The following BABAM2 variants were observed in gnomAD, a reference collection of about 807,000 sequenced individuals.
BABAM2 encodes BRISC and BRCA1-A complex member 2.
BABAM2 carries 31 observed loss-of-function variants against 54.7 expected under a neutral mutation model. The ratio of observed to expected loss-of-function variants is 0.57; its 90% CI spans 0.43 to 0.77. The LOEUF (loss-of-function observed/expected upper bound fraction) is 0.77. BABAM2 is among the 30% of genes least tolerant of loss of function. The pLI, the probability that BABAM2 is intolerant of heterozygous loss-of-function variation, is 0.00. For missense variants in BABAM2, 364 were observed against 455.8 expected, an observed-to-expected ratio of 0.80 and a Z score of 1.83; for synonymous variants, 167 against 162.9, an observed-to-expected ratio of 1.03 and a Z score of -0.19.
At chr2:28,253,090 A>G (rs1683646100) in intron 10 of BABAM2, among the ~76,000 whole-genome samples, 2 of 152,170 alleles carry the variant, frequency 1.3e-5, no homozygotes, top group Admixed American at 6.5e-5. Flanking sequence ...GTTGAAAATA[A>G]TAGCAATAAC....
rs1385334915 is a variant in BABAM2 at position 28,329,177 on chromosome 2, G to C, written c.1089-9273G>C. On this transcript the variant is annotated intron_variant, in intron 11 of 11. Transcript: ENST00000379624. This position sits in a 1 kb window ranked among gnomAD's most constrained non-coding sequence, Gnocchi z 4.2. ...ATGTCATTTTCCAGGCATTACCCCT[G>C]ATAACTTATGCTTCCTGAGCTAGAG... 6.6e-6 allele frequency among the ~76,000 whole-genome samples: 1 copy of C among 152,104 alleles called. No homozygotes were observed. Among genetic ancestry groups the C allele is most frequent in the African/African-American group, 2.4e-5 (1 of 41,368 alleles).
rs1690131032 is a variant in BABAM2 at position 28,322,776 on chromosome 2, G to A, written c.1089-15674G>A. Among the ~76,000 whole-genome samples the A allele has an allele frequency of 6.6e-6, 1 of 152,250 alleles. No homozygotes were observed. Among genetic ancestry groups the A allele is most frequent in the African/African-American group, 2.4e-5 (1 of 41,468 alleles). On this transcript the variant is annotated intron_variant, in intron 11 of 11. Coordinates refer to ENST00000379624, the MANE Select transcript of BABAM2 (RefSeq NM_199191.3). The surrounding 1 kb of genome is among the most constrained non-coding windows in gnomAD (Gnocchi z 4.1). Reference sequence around the variant, plus strand: ...CAGGAAAGCACCCTTCACCTGCAGAGTAAAGGGGCTCCTGCTTAGCTGACT... The same window carrying A: ...CAGGAAAGCACCCTTCACCTGCAGAATAAAGGGGCTCCTGCTTAGCTGACT...
At chr2:28,255,828 G>A (rs1484868075) in intron 10 of BABAM2, among the ~76,000 whole-genome samples, 2 of 152,026 alleles carry the variant, frequency 1.3e-5, no homozygotes, top group Non-Finnish European at 2.9e-5. Context: ...ACCACACTCA[G>A]CTAATTTTTG....
chr2:28,243,962 A>C (rs1292212256), intron 9 of BABAM2, among the ~76,000 whole-genome samples: 1 of 152,190 alleles, frequency 6.6e-6, no homozygotes, highest in Non-Finnish European at 1.5e-5. Flanking sequence ...ATGAGAAAGA[A>C]AATTATATCT....
chr2:27,974,466 A>G (rs1671451224), intron 3 of BABAM2, among the ~76,000 whole-genome samples: 1 of 152,176 alleles, frequency 6.6e-6, no homozygotes, highest in African/African-American at 2.4e-5. Flanking sequence ...AAATCAGTCT[A>G]TGCAAGTCTC....
intron 7 of BABAM2, among the ~76,000 whole-genome samples, chr2:28,206,335 G>A (rs1678838035): frequency 6.6e-6 from 1 of 152,136 alleles, no homozygotes; most frequent in Non-Finnish European, 1.5e-5. Flanking sequence ...GTGTAATTCA[G>A]CAAGAAATAG....
intron 7 of BABAM2, among the ~76,000 whole-genome samples, chr2:28,133,547 G>T (rs1020233319): frequency 6.6e-6 from 1 of 152,156 alleles, no homozygotes; most frequent in South Asian, 2.1e-4. Flanking sequence ...TCCACACTGG[G>T]TAAAAATTAC....
chr2:27,976,190 GC>G (rs1323109107), intron 3 of BABAM2, among the ~76,000 whole-genome samples: 1 of 152,066 alleles, frequency 6.6e-6, no homozygotes, highest in Non-Finnish European at 1.5e-5. Flanking sequence ...ATATGACCTA[GC>G]AATCCAGTCT....
chr2:27,960,914 A>G (rs1232451568), intron 3 of BABAM2, among the ~76,000 whole-genome samples: 1 of 152,238 alleles, frequency 6.6e-6, no homozygotes, highest in Non-Finnish European at 1.5e-5. Context: ...GATGAGAAAT[A>G]AGGATAAGCA....
chr2:28,140,030 C>G (rs1670906613), intron 7 of BABAM2, among the ~76,000 whole-genome samples: 1 of 152,172 alleles, frequency 6.6e-6, no homozygotes, highest in Admixed American at 6.5e-5. Flanking sequence ...GAGTTTATTA[C>G]TTTTCCTCGT....
chr2:27,926,054 C>T (rs1378695441), intron 2 of BABAM2, among the ~76,000 whole-genome samples: 1 of 151,826 alleles, frequency 6.6e-6, no homozygotes, highest in Non-Finnish European at 1.5e-5. Context: ...AAAATGGTCT[C>T]CTCCCTGGTC....
chr2:28,068,860 A>G (rs1663865408), intron 6 of BABAM2, among the ~76,000 whole-genome samples: 1 of 152,266 alleles, frequency 6.6e-6, no homozygotes, highest in South Asian at 2.1e-4. Context: ...AAAAAAAATG[A>G]GTGCGTGAAT....
chr2:28,242,243 G>A (rs1268737157), intron 9 of BABAM2, among the ~76,000 whole-genome samples: 3 of 152,172 alleles, frequency 2.0e-5, no homozygotes, highest in East Asian at 1.9e-4. Flanking sequence ...TCCAGCATTC[G>A]ATGCAAAAGC....
rs920435532 is a variant in BABAM2 at position 28,304,821 on chromosome 2, A to G, written c.1088+6330A>G. Among the ~76,000 whole-genome samples, 2 of 149,448 alleles carry G rather than the reference A, an allele frequency of 1.3e-5. No homozygotes were observed. The highest frequency in any genetic ancestry group is 1.3e-4 in the Admixed American group (2 of 15,030). On this transcript the variant is annotated intron_variant, in intron 11 of 11. Transcript: ENST00000379624. This position sits in a 1 kb window ranked among gnomAD's most constrained non-coding sequence, Gnocchi z 4.0. ...GGTCTCGAACTCCTGAGCACAGGCA[A>G]TCCACCTGCCTTGGCCTCCCAAAGT...
At chr2:28,289,424 T>C (rs970482009) in intron 10 of BABAM2, among the ~76,000 whole-genome samples, 2 of 152,234 alleles carry the variant, frequency 1.3e-5, no homozygotes, top group African/African-American at 4.8e-5. Context: ...TGAAAACAAA[T>C]ACCCATGTAC....
intron 11 of BABAM2, among the ~76,000 whole-genome samples, chr2:28,326,335 C>T (rs1690454179): frequency 6.6e-6 from 1 of 152,148 alleles, no homozygotes; most frequent in Non-Finnish European, 1.5e-5. Context: ...GTGCTGAGCG[C>T]CTGCTCTTGC....
At chr2:28,249,164 T>C (rs1683194411) in intron 10 of BABAM2, among the ~76,000 whole-genome samples, 1 of 150,774 alleles carries the variant, frequency 6.6e-6, no homozygotes, top group Non-Finnish European at 1.5e-5. Context: ...CTTGGCTCAC[T>C]GCAGCCTCCG....
chr2:28,056,946 C>T (rs1678478552), intron 6 of BABAM2, among the ~76,000 whole-genome samples: 1 of 152,216 alleles, frequency 6.6e-6, no homozygotes, highest in African/African-American at 2.4e-5. Context: ...ATATTTTCCT[C>T]ATAAGTCTCT....
chr2:27,918,048 T>C (rs1667107322), intron 2 of BABAM2, among the ~76,000 whole-genome samples: 1 of 152,210 alleles, frequency 6.6e-6, no homozygotes, highest in African/African-American at 2.4e-5. Context: ...TTATAGTAAA[T>C]TTTGAAATCC....
Sources: gnomAD v4.1 joint callset for allele counts (sites outside exome capture counted in the v4.1 genomes callset) on GRCh38, gnomAD v4.1.1 for gene constraint, Gnocchi (gnomAD v3.1) non-coding constraint, MANE v1.5 for transcripts, NCBI Gene and HGNC (gene_info 2026-07-23, HGNC 2026-07-21) for gene names.